The following RBFOX1 variants were observed in gnomAD, a reference collection of about 807,000 sequenced individuals.
RBFOX1 encodes RNA binding protein fox-1 homolog 1.
RBFOX1 carries 8 observed loss-of-function variants against 57.7 expected under a neutral mutation model. The ratio of observed to expected loss-of-function variants is 0.14; its 90% CI spans 0.08 to 0.25. RBFOX1 has a LOEUF of 0.25. Ranked by LOEUF, RBFOX1 falls within the 10% of genes least tolerant of loss-of-function variation. RBFOX1 has a pLI of 1.00. For synonymous variants in RBFOX1, 326 were observed against 222.4 expected (o/e 1.47, Z -4.15); for missense variants, 611 against 548.5 (o/e 1.11, Z -1.14).
intron 4 of RBFOX1, among the ~76,000 whole-genome samples, chr16:7,267,198 A>T (rs2095176754): frequency 6.6e-6 from 1 of 152,142 alleles, no homozygotes; most frequent in South Asian, 2.1e-4. Context: ...CAGGTGTTTG[A>T]GACCAGCCTG....
At chr16:5,708,631 A>T (rs1021665644) in intron 3 of RBFOX1, among the ~76,000 whole-genome samples, 2 of 152,116 alleles carry the variant, frequency 1.3e-5, no homozygotes, top group Non-Finnish European at 2.9e-5. Flanking sequence ...TGGTTCATAG[A>T]TTCTCCCCCT....
At chr16:7,623,397 T>C (rs1277680240) in intron 10 of RBFOX1, among the ~76,000 whole-genome samples, 1 of 152,170 alleles carries the variant, frequency 6.6e-6, no homozygotes, top group African/African-American at 2.4e-5. Context: ...CTTCTTTTCT[T>C]GTAACTAGAC....
chr16:6,903,409 A>G (rs202136802), intron 3 of RBFOX1, among the ~76,000 whole-genome samples: 1 of 152,176 alleles, frequency 6.6e-6, no homozygotes. Context: ...CTGCGCTCCA[A>G]TTAAAATTGA....
chr16:6,860,792 G>A (rs1005339639), intron 3 of RBFOX1, among the ~76,000 whole-genome samples: 2 of 152,158 alleles, frequency 1.3e-5, no homozygotes, highest in Non-Finnish European at 2.9e-5. Context: ...GTAATTTGCA[G>A]CAGGAGACAT....
intron 1 of RBFOX1, among the ~76,000 whole-genome samples, chr16:5,333,129 A>C (rs1255350117): frequency 6.6e-6 from 1 of 152,174 alleles, no homozygotes; most frequent in Non-Finnish European, 1.5e-5. Context: ...TGGAGGTTGC[A>C]GTGAGCCGAG....
chr16:6,451,326 A>G (rs2094617679), intron 2 of RBFOX1, among the ~76,000 whole-genome samples: 1 of 152,176 alleles, frequency 6.6e-6, no homozygotes, highest in South Asian at 2.1e-4. Flanking sequence ...GTGGTTGCTG[A>G]CATTTATTAG....
intron 1 of RBFOX1, among the ~76,000 whole-genome samples, chr16:5,454,894 C>CCTTTG (rs1567535099): frequency 4.7e-5 from 4 of 84,924 alleles, no homozygotes; most frequent in African/African-American, 1.7e-4. Context: ...TTCTTTCTTT[C>CCTTTG]TTTCTTTCTT....
chr16:6,966,975 C>T (rs1040852822), intron 3 of RBFOX1, among the ~76,000 whole-genome samples: 2 of 152,072 alleles, frequency 1.3e-5, no homozygotes, highest in Admixed American at 6.6e-5. Context: ...TATAGACATT[C>T]ATCCATCATC....
intron 2 of RBFOX1, among the ~76,000 whole-genome samples, chr16:5,569,850 G>A (rs2046217994): frequency 6.6e-6 from 1 of 152,102 alleles, no homozygotes; most frequent in South Asian, 2.1e-4. Context: ...TCTTTGGATA[G>A]TTTAGGGTTC....
chr16:6,157,917 C>G (rs1431312156), intron 1 of RBFOX1, among the ~76,000 whole-genome samples: 1 of 152,060 alleles, frequency 6.6e-6, no homozygotes, highest in East Asian at 1.9e-4. Context: ...AGATTAGATC[C>G]TATTGGATGG....
intron 4 of RBFOX1, among the ~76,000 whole-genome samples, chr16:7,085,688 T>A (rs971062302): frequency 6.6e-6 from 1 of 152,202 alleles, no homozygotes; most frequent in Non-Finnish European, 1.5e-5. Flanking sequence ...TGAGAATTTG[T>A]GGGGATCATG....
chr16:6,433,004 CAA>C (rs1365200824), intron 2 of RBFOX1, among the ~76,000 whole-genome samples: 2 of 152,006 alleles, frequency 1.3e-5, no homozygotes, highest in Admixed American at 6.6e-5. Flanking sequence ...ATAACAATAA[CAA>C]TATTTAATGA....
intron 4 of RBFOX1, among the ~76,000 whole-genome samples, chr16:7,132,466 A>G (rs1217454945): frequency 7.1e-6 from 1 of 139,888 alleles, no homozygotes; most frequent in African/African-American, 2.9e-5. Context: ...ACACACACAC[A>G]CACACACACA....
intron 2 of RBFOX1, among the ~76,000 whole-genome samples, chr16:6,413,737 T>C (rs1177639551): frequency 2.0e-5 from 3 of 152,210 alleles, no homozygotes; most frequent in Non-Finnish European, 2.9e-5. Context: ...TGAAGGTTTA[T>C]CTTTTGATAC....
intron 4 of RBFOX1, among the ~76,000 whole-genome samples, chr16:7,218,854 A>C (rs1016382387): frequency 1.3e-5 from 2 of 151,818 alleles, no homozygotes; most frequent in Admixed American, 6.6e-5. Flanking sequence ...GTGGACTTGC[A>C]CCTGACTCAC....
chr16:6,847,219 A>G (rs1193851182), intron 3 of RBFOX1, among the ~76,000 whole-genome samples: 2 of 152,150 alleles, frequency 1.3e-5, no homozygotes, highest in Non-Finnish European at 2.9e-5. Context: ...CTGCATAACA[A>G]CATTTCATGA....
At chr16:7,507,695 C>T (rs1253405070) in intron 4 of RBFOX1, among the ~76,000 whole-genome samples, 1 of 151,122 alleles carries the variant, frequency 6.6e-6, no homozygotes, top group East Asian at 2.0e-4. Flanking sequence ...TCCCAAGTAG[C>T]TGGGACTACA....
chr16:6,128,010 G>C (rs750954680), intron 1 of RBFOX1, among the ~76,000 whole-genome samples: 8 of 152,242 alleles, frequency 5.3e-5, no homozygotes, highest in African/African-American at 1.9e-4. Context: ...TGTGCTTAAA[G>C]ATATCTGGAG....
At chr16:6,583,935 C>A (rs2097570763) in intron 2 of RBFOX1, among the ~76,000 whole-genome samples, 1 of 151,548 alleles carries the variant, frequency 6.6e-6, no homozygotes, top group Non-Finnish European at 1.5e-5. Context: ...ATTGTATCTT[C>A]ATCACTCCAG....
Sources: gnomAD v4.1 joint callset for allele counts (sites outside exome capture counted in the v4.1 genomes callset) on GRCh38, gnomAD v4.1.1 for gene constraint, MANE v1.5 for transcripts, NCBI Gene and HGNC (gene_info 2026-07-23, HGNC 2026-07-21) for gene names.